Variants in RNF212B observed in about 807,000 individuals in gnomAD.
The protein encoded by RNF212B is ring finger protein 212B, also known as E3 ubiquitin-protein ligase RNF212B.
Under a neutral mutation model 55.5 loss-of-function variants are expected in RNF212B, and 52 were observed. The observed-to-expected ratio is 0.94, with a 90% confidence interval of 0.75 to 1.18. RNF212B has a LOEUF of 1.18. RNF212B is among the 50% of genes most tolerant of loss of function. RNF212B has a pLI of 0.00. For missense variants in RNF212B, 289 were observed against 350.4 expected (o/e 0.82, Z 1.40); for synonymous variants, 99 against 121.4 (o/e 0.82, Z 1.21).
In RNF212B at chr14:23,260,681, G is replaced by A. The variant is rs1179374123; in HGVS notation, c.428G>A (p.Gly143Glu). The change falls in exon 7 of 15, where the codon GGA becomes GAA. Residue 143 changes from glycine to glutamate, a missense_variant. By Grantham distance (98) the Gly-to-Glu change is moderately conservative. Coordinates refer to ENST00000430154, the MANE Select transcript of RNF212B (RefSeq NM_001282322.3). Reference protein sequence around the residue: ...ILKESPSRYQGSRSITPRPVG... With the variant: ...ILKESPSRYQESRSITPRPVG... ...TAGGAATCTCCAAGTCGGTACCAAG[G>A]AAGCAGGTCAGTTTTATCAGCTCCC... 2 of 1,550,440 alleles carry A rather than the reference G, an allele frequency of 1.3e-6. No individual in the cohort carries two copies. Among genetic ancestry groups the A allele is most frequent in the East Asian group, 2.4e-5 (1 of 40,914 alleles).
At chr14:23,209,047 C>G (rs932672612) in intron 2 of RNF212B, among the ~76,000 whole-genome samples, 1 of 152,166 alleles carries the variant, frequency 6.6e-6, no homozygotes, top group Admixed American at 6.5e-5. Context: ...CGTGAGCCAC[C>G]GTGCCCGGCC....
At chr14:23,200,614 C>T (rs1879201017) in intron 2 of RNF212B, among the ~76,000 whole-genome samples, 2 of 152,194 alleles carry the variant, frequency 1.3e-5, no homozygotes, top group African/African-American at 4.8e-5. Flanking sequence ...GTGTGAGCCA[C>T]TGTACTTGGT....
intron 2 of RNF212B, among the ~76,000 whole-genome samples, chr14:23,193,953 TGCCTCA>T (rs2140358610): frequency 6.6e-6 from 1 of 152,312 alleles, no homozygotes; most frequent in South Asian, 2.1e-4. Flanking sequence ...GCGATTCTCC[TGCCTCA>T]GCCTCCCAAG....
At chr14:23,267,884 T>G (rs956338355) in intron 11 of RNF212B, among the ~76,000 whole-genome samples, 3 of 152,232 alleles carry the variant, frequency 2.0e-5, no homozygotes, top group Non-Finnish European at 2.9e-5. Flanking sequence ...TGTGCATAGT[T>G]GGACTTGTTT....
upstream of RNF212B, among the ~76,000 whole-genome samples, chr14:23,233,279 C>CA (rs1441249960): frequency 6.6e-6 from 1 of 152,130 alleles, no homozygotes; most frequent in Non-Finnish European, 1.5e-5. Flanking sequence ...CGGAAGGCCG[C>CA]AGGGTCCTCT....
intron 4 of RNF212B, among the ~76,000 whole-genome samples, chr14:23,251,535 G>A (rs1389132604): frequency 1.3e-5 from 2 of 152,218 alleles, no homozygotes; most frequent in African/African-American, 4.8e-5. Flanking sequence ...CAACATAGGG[G>A]CCAGGTGCAG....
In RNF212B at chr14:23,258,712, T is replaced by C. The variant is rs1424653488; in HGVS notation, c.344+48T>C. On this transcript the variant is annotated intron_variant, in intron 5 of 14. Transcript: ENST00000430154. ...AGAGAGCTTTTTTTTTTTTTTTTTTTCTAAGAAGTGACAGTCCTTATTGTG... is the reference window on the plus strand; with the variant it reads ...AGAGAGCTTTTTTTTTTTTTTTTTTCCTAAGAAGTGACAGTCCTTATTGTG... 2.6e-4 allele frequency: 197 copies of C among 767,522 alleles called. No individual in the cohort carries two copies. The East Asian group carries it at 2.9e-3, about 11-fold the overall frequency. The allele number at this position is 767,522 out of a possible 1,614,324, so 47.5% of individuals were successfully genotyped here.
chr14:23,203,522 A>G (rs999272591), intron 2 of RNF212B, among the ~76,000 whole-genome samples: 34 of 139,884 alleles, frequency 2.4e-4, no homozygotes, highest in African/African-American at 8.6e-4. Flanking sequence ...TCTGTCACCC[A>G]CGCTGGAGTG....
chr14:23,198,073 G>C lies in RNF212B; in HGVS notation c.-2+4672G>C, dbSNP rs540424575. ...TAAGGCTGTTTTTACTTCTTTTGTGGATCTTCAGTTACTTCAGGCCATCTG... is the reference window on the plus strand; with the variant it reads ...TAAGGCTGTTTTTACTTCTTTTGTGCATCTTCAGTTACTTCAGGCCATCTG... On this transcript the variant is annotated intron_variant, in intron 2 of 15. Transcript: ENST00000399910. Among the ~76,000 whole-genome samples, 4 of 152,278 alleles carry C rather than the reference G, an allele frequency of 2.6e-5. No homozygotes were observed. The East Asian group carries it at 7.7e-4, about 29-fold the overall frequency.
Position 23,230,791 on chromosome 14 carries a change from T to G in RNF212B, c.-1-9554T>G, listed in dbSNP as rs571687492. Among the ~76,000 whole-genome samples the G allele has an allele frequency of 6.6e-5, 10 of 152,296 alleles. No individual in the cohort carries two copies. In the South Asian group the frequency reaches 1.9e-3, roughly 28 times the overall value. On this transcript the variant is annotated intron_variant, in intron 2 of 15. Transcript: ENST00000399910. The stretch of plus-strand genomic sequence containing the variant: ...CTTTGATCCATTTTGAGTTAATTTT[T>G]GTATATGGTGTAAGGTAAGGATTCA...
At chr14:23,187,947 A>G (rs1328438659) in intron 1 of RNF212B, 1 of 152,254 alleles carries the variant, frequency 6.6e-6, no homozygotes, top group Non-Finnish European at 1.5e-5. Flanking sequence ...AAAAATTAAA[A>G]AAAGAAAAGG....
intron 1 of RNF212B, among the ~76,000 whole-genome samples, chr14:23,192,490 A>C (rs1878207412): frequency 6.8e-6 from 1 of 146,746 alleles, no homozygotes; most frequent in Non-Finnish European, 1.5e-5. Flanking sequence ...GAACAATGAG[A>C]ACACTTGGAC....
In RNF212B at chr14:23,190,743, G is replaced by T. The variant is rs956318516; in HGVS notation, c.-78-2582G>T. On this transcript the variant is annotated intron_variant, in intron 1 of 15. Transcript: ENST00000399910. ...GCCAGAATGATCCTTCGTAATCACA[G>T]ATCAGGTCATGTCCCTCCCCTGTTC... is the stretch of plus-strand genomic sequence containing the variant. Among the ~76,000 whole-genome samples the T allele has an allele frequency of 2.0e-5, 3 of 152,148 alleles. No homozygotes were observed. The South Asian group carries it at 6.2e-4, about 31-fold the overall frequency.
In RNF212B at chr14:23,204,159, C is replaced by G. The variant is rs903188368; in HGVS notation, c.-2+10758C>G. Among the ~76,000 whole-genome samples, 9 of 152,304 alleles carry G rather than the reference C, an allele frequency of 5.9e-5. 1 individual carries two copies. Among genetic ancestry groups the G allele is most frequent in the Admixed American group, 5.9e-4 (9 of 15,296 alleles). On this transcript the variant is annotated intron_variant, in intron 2 of 15. Transcript: ENST00000399910. The stretch of plus-strand genomic sequence containing the variant: ...GATGGATAGATTGTGAAGATTTTCT[C>G]CCACTCTGTGGGTTGTCTGTTTACT...
intron 2 of RNF212B, among the ~76,000 whole-genome samples, chr14:23,200,545 C>T (rs1027391573): frequency 2.6e-5 from 4 of 152,178 alleles, no homozygotes; most frequent in East Asian, 1.9e-4. Context: ...AGGCTGGTCT[C>T]GAACTCCTGG....
intron 14 of RNF212B, chr14:23,272,472 TAA>T (rs1217471818): frequency 1.9e-5 from 5 of 259,372 alleles, no homozygotes; most frequent in Non-Finnish European, 3.8e-5. Context: ...GAAAAAATTT[TAA>T]AGTTATTGAA....
chr14:23,186,086 T>C (rs967065606), intron 1 of RNF212B, among the ~76,000 whole-genome samples: 1 of 152,034 alleles, frequency 6.6e-6, no homozygotes, highest in African/African-American at 2.4e-5. Context: ...GGTGGCAAAG[T>C]GAGACCCTGT....
chr14:23,186,100 T>TA, intron 1 of RNF212B, among the ~76,000 whole-genome samples: 1 of 151,948 alleles, frequency 6.6e-6, no homozygotes, highest in Non-Finnish European at 1.5e-5. Flanking sequence ...ACCCTGTCTT[T>TA]AAAAAAACCA....
intron 2 of RNF212B, among the ~76,000 whole-genome samples, chr14:23,232,134 C>T (rs189584402): frequency 0.01 from 1,590 of 151,776 alleles, 22 homozygotes; most frequent in African/African-American, 0.036. Flanking sequence ...CCCCTCTGCC[C>T]GGCTGCCCAC....
Sources: allele counts gnomAD v4.1 joint callset (sites outside exome capture counted in the v4.1 genomes callset), GRCh38; gene constraint gnomAD v4.1.1; transcripts MANE v1.5; gene names NCBI Gene and HGNC (gene_info 2026-07-23, HGNC 2026-07-21).